Variants in CLEC12A observed in about 807,000 individuals in gnomAD.
The protein encoded by CLEC12A is C-type lectin domain family 12 member A, also known as C-type lectin protein CLL-1.
CLEC12A carries 22 observed loss-of-function variants against 26.5 expected under a neutral mutation model. The observed-to-expected ratio is 0.83, with a 90% confidence interval of 0.59 to 1.19. CLEC12A has a LOEUF of 1.19. Ranked by LOEUF, CLEC12A falls within the 50% of genes most tolerant of loss-of-function variation. CLEC12A has a pLI of 0.00. For missense variants in CLEC12A, 353 were observed against 315.6 expected, an observed-to-expected ratio of 1.12 and a Z score of -0.90; for synonymous variants, 119 against 101.9, an observed-to-expected ratio of 1.17 and a Z score of -1.01.
At chr12:9,992,484 G>A (rs1353628523) in intron 4 of CLEC12A, 1 of 152,048 alleles carries the variant, frequency 6.6e-6, no homozygotes, top group African/African-American at 2.4e-5. Context: ...TTTCGGGTTG[G>A]TGCTGGTAAG....
In CLEC12A at chr12:9,983,802, A is replaced by T. The variant is rs1864656459; in HGVS notation, c.642-1068A>T. On this transcript the variant is annotated intron_variant, in intron 5 of 5. Transcript: ENST00000304361. ...TGTAGGAGTGTGGGTCAGAAAGAAA[A>T]GGTGGCCCTACCTCTGATGGTTGGC... 21 of 347,648 alleles carry T rather than the reference A, an allele frequency of 6.0e-5. No homozygotes were observed. The South Asian group carries it at 1.1e-3, about 18-fold the overall frequency. 21.5% of individuals were successfully genotyped at this position (347,648 alleles called of 1,614,324 possible).
intron 1 of CLEC12A, among the ~76,000 whole-genome samples, chr12:9,973,351 G>C (rs973126761): frequency 2.0e-5 from 3 of 152,062 alleles, no homozygotes; most frequent in Non-Finnish European, 4.4e-5. Context: ...CTGCTTGGGA[G>C]GCTGAGGAAA....
At chr12:9,980,047 C>A (rs1158963203) in intron 3 of CLEC12A, among the ~76,000 whole-genome samples, 1 of 152,008 alleles carries the variant, frequency 6.6e-6, no homozygotes, top group Non-Finnish European at 1.5e-5. Flanking sequence ...TTTCAGAGAA[C>A]AAAAATTAAA....
the CLEC12A span, among the ~76,000 whole-genome samples, chr12:10,004,594 C>G: frequency 6.6e-6 from 1 of 151,978 alleles, no homozygotes; most frequent in East Asian, 1.9e-4. Context: ...CTCGTCTGCT[C>G]ATCTGATCTG....
chr12:9,973,314 T>G (rs567417799), intron 1 of CLEC12A, among the ~76,000 whole-genome samples: 9 of 151,768 alleles, frequency 5.9e-5, no homozygotes, highest in African/African-American at 1.7e-4. Flanking sequence ...AAAATTTTTT[T>G]AATTAACTGG....
At chr12:9,996,274 T>G (rs954640264), downstream of CLEC12A, among the ~76,000 whole-genome samples, 2 of 152,176 alleles carry the variant, frequency 1.3e-5, no homozygotes, top group Non-Finnish European at 2.9e-5. Flanking sequence ...AGATAAATTC[T>G]ACCTGAAATC....
chr12:9,964,836 C>T (rs1392786307), intron 1 of CLEC12A, among the ~76,000 whole-genome samples: 1 of 151,964 alleles, frequency 6.6e-6, no homozygotes, highest in African/African-American at 2.4e-5. Flanking sequence ...TAAGTGTGTT[C>T]AGGGTGAGGA....
downstream of CLEC12A, chr12:9,997,330 G>T: frequency 1.3e-6 from 2 of 1,515,142 alleles, no homozygotes; most frequent in East Asian, 2.3e-5. Flanking sequence ...CCATAGAAAT[G>T]ATGCAAAGGT....
chr12:9,999,029 A>C, downstream of CLEC12A: 1 of 1,539,394 alleles, frequency 6.5e-7, no homozygotes, highest in Non-Finnish European at 9.0e-7. Flanking sequence ...GGCTCTGAGC[A>C]TTCTTACCGG....
chr12:9,999,692 T>A (rs565216784), downstream of CLEC12A, among the ~76,000 whole-genome samples: 3 of 152,288 alleles, frequency 2.0e-5, no homozygotes, highest in East Asian at 3.9e-4. Flanking sequence ...ATTTGAAGGA[T>A]CCACATGAGG....
At chr12:9,978,941 T>A (rs1864443625) in intron 1 of CLEC12A, 25 bp from the exon 2 acceptor site, 2 of 1,545,174 alleles carry the variant, frequency 1.3e-6, no homozygotes, top group East Asian at 4.5e-5. Context: ...TTTTTAGGCC[T>A]CTCTGTTAAT....
chr12:10,002,279 T>A, the CLEC12A span, among the ~76,000 whole-genome samples: 1 of 152,184 alleles, frequency 6.6e-6, no homozygotes, highest in Non-Finnish European at 1.5e-5. Flanking sequence ...CTCTAAATTG[T>A]CTGTTTTAAA....
the CLEC12A span, among the ~76,000 whole-genome samples, chr12:10,001,682 T>C: frequency 6.6e-6 from 1 of 152,200 alleles, no homozygotes; most frequent in African/African-American, 2.4e-5. Flanking sequence ...AGCAGAGAAC[T>C]GCAGGAAAGA....
chr12:9,996,780 G>T, downstream of CLEC12A: 10 of 1,534,980 alleles, frequency 6.5e-6, no homozygotes, highest in Non-Finnish European at 9.0e-6. Flanking sequence ...ACAAAAAAAG[G>T]TCAAGTGTTA....
intron 1 of CLEC12A, among the ~76,000 whole-genome samples, chr12:9,961,271 G>C (rs532392243): frequency 8.5e-5 from 13 of 152,302 alleles, no homozygotes; most frequent in Non-Finnish European, 1.8e-4. Context: ...TGTTCGACAC[G>C]CACTTCCTGT....
chr12:9,951,881 AGTCTTTGAATTGTAGCACT>A (rs1278381812), intron 1 of CLEC12A: 1 of 158,518 alleles, frequency 6.3e-6, no homozygotes, highest in African/African-American at 2.4e-5. Context: ...GATCTCAGAC[AGTCTTTGAATTGTAGCACT>A]GCCTTATATT....
chr12:9,951,470 C>A, intron 1 of CLEC12A: 1 of 695,704 alleles, frequency 1.4e-6, no homozygotes, highest in Non-Finnish European at 2.6e-6. Flanking sequence ...AGAGGAAGCA[C>A]CCTGACTGTT....
At chr12:9,980,435 CAA>C (rs369232917) in intron 3 of CLEC12A, 145 bp from the exon 4 acceptor site, 6,516 of 613,278 alleles carry the variant, frequency 0.011, no homozygotes, top group South Asian at 0.018. Context: ...AAGACTCTGT[CAA>C]AAAAAAAAAA....
chr12:10,000,432 C>G (rs1357416068), downstream of CLEC12A, among the ~76,000 whole-genome samples: 1 of 152,122 alleles, frequency 6.6e-6, no homozygotes, highest in Admixed American at 6.5e-5. Flanking sequence ...GTATAAAAGA[C>G]ATTCCCTGAT....
Sources: gnomAD v4.1 joint callset for allele counts (sites outside exome capture counted in the v4.1 genomes callset) on GRCh38, gnomAD v4.1.1 for gene constraint, MANE v1.5 for transcripts, NCBI Gene and HGNC (gene_info 2026-07-23, HGNC 2026-07-21) for gene names.